CACNA1B: variants seen among roughly 807,000 people sequenced by gnomAD.
The protein encoded by CACNA1B is voltage-dependent N-type calcium channel subunit alpha-1B.
A neutral mutation model predicts 247.2 loss-of-function variants in CACNA1B; 70 were observed. The observed-to-expected ratio is 0.28, with a 90% CI of 0.23 to 0.35. The LOEUF is 0.35. CACNA1B is among the 10% of genes least tolerant of loss of function. The pLI is 1.00. For missense variants in CACNA1B, 2,367 were observed against 3,197.4 expected, an observed-to-expected ratio of 0.74 and a Z score of 6.26; for synonymous variants, 1,231 against 1,294.4, an observed-to-expected ratio of 0.95 and a Z score of 1.05.
intron 6 of CACNA1B, among the ~76,000 whole-genome samples, chr9:137,922,723 A>C (rs939612226): frequency 2.0e-5 from 3 of 152,222 alleles, no homozygotes; most frequent in Non-Finnish European, 1.5e-5. Flanking sequence ...TTGTAGATTC[A>C]CATGCAGTAG....
chr9:138,120,153 C>T lies in CACNA1B; in HGVS notation c.6031-12C>T. 6.3e-7 allele frequency: 1 copy of T among 1,589,246 alleles called. No homozygotes were observed. The highest frequency in any genetic ancestry group is 8.6e-7 in the Non-Finnish European group (1 of 1,168,658). Reference sequence around the variant, plus strand: ...GCCTCCCCTAGGCCCACTCTCAGTCCTTTGCCCACAGCCCGTCACAGATGC... The same window carrying T: ...GCCTCCCCTAGGCCCACTCTCAGTCTTTTGCCCACAGCCCGTCACAGATGC... On this transcript the variant is annotated splice_polypyrimidine_tract_variant and intron_variant, in intron 44 of 46. Coordinates refer to ENST00000371372, the MANE Select transcript of CACNA1B (RefSeq NM_000718.4).
At chr9:137,885,241 A>C (rs1256040238) in intron 3 of CACNA1B, among the ~76,000 whole-genome samples, 4 of 151,564 alleles carry the variant, frequency 2.6e-5, no homozygotes, top group African/African-American at 7.3e-5. Flanking sequence ...CCACGGGGCC[A>C]CATGCTGGCT....
At chr9:138,076,457 T>G (rs1459959259) in intron 35 of CACNA1B, among the ~76,000 whole-genome samples, 3 of 152,152 alleles carry the variant, frequency 2.0e-5, no homozygotes, top group Non-Finnish European at 1.5e-5. Flanking sequence ...CCATCTCTCA[T>G]GGGAGCTGCC....
chr9:138,013,720 G>C (rs556875939), intron 18 of CACNA1B, among the ~76,000 whole-genome samples: 552 of 152,346 alleles, frequency 3.6e-3, no homozygotes, highest in Non-Finnish European at 6.0e-3. Flanking sequence ...TTATTCTGGC[G>C]AAAACTGCGT....
Position 137,950,454 on chromosome 9 carries a change from C to A in CACNA1B, c.967-1820C>A, listed in dbSNP as rs944077274. Among the ~76,000 whole-genome samples the A allele has an allele frequency of 6.6e-6, 1 of 152,194 alleles. No individual in the cohort carries two copies. Among genetic ancestry groups the A allele is most frequent in the African/African-American group, 2.4e-5 (1 of 41,430 alleles). ...CTTGGGCTGGGGGGCCGTGATAACC[C>A]CTGCTGAGGAGGAACGTTCCACTTC... On this transcript the variant is annotated intron_variant, in intron 6 of 46. Transcript: ENST00000371372. This position sits in a 1 kb window ranked among gnomAD's most constrained non-coding sequence, Gnocchi z 4.8.
intron 15 of CACNA1B, among the ~76,000 whole-genome samples, chr9:137,997,594 G>A (rs1958515026): frequency 6.6e-6 from 1 of 152,174 alleles, no homozygotes; most frequent in African/African-American, 2.4e-5. Context: ...TGCAGTCAGG[G>A]AAATGCAAAT....
rs1052426507 is a variant in CACNA1B at position 137,934,561 on chromosome 9, C to T, written c.966+17130C>T. Among the ~76,000 whole-genome samples, 51 of 152,164 alleles carry T rather than the reference C, an allele frequency of 3.4e-4. 1 individual carries two copies. The highest frequency in any genetic ancestry group is 1.3e-4 in the Admixed American group (2 of 15,276). ...GAACCCATAGACCCTCTGAAGGAAG[C>T]GGATTGCTCCAGCAGGACCTGGGAG... On this transcript the variant is annotated intron_variant, in intron 6 of 46. Coordinates refer to ENST00000371372, the MANE Select transcript of CACNA1B (RefSeq NM_000718.4).
chr9:138,099,853 C>G (rs187238236), intron 37 of CACNA1B, among the ~76,000 whole-genome samples: 1 of 152,376 alleles, frequency 6.6e-6, no homozygotes, highest in Non-Finnish European at 1.5e-5. Context: ...AGCCTGGTGA[C>G]TTGAGAGGAG....
At chr9:137,911,616 A>G (rs571776591) in intron 3 of CACNA1B, among the ~76,000 whole-genome samples, 3 of 152,048 alleles carry the variant, frequency 2.0e-5, no homozygotes, top group Non-Finnish European at 4.4e-5. Flanking sequence ...ACGGGGTTTC[A>G]CCATGTTGGT....
intron 6 of CACNA1B, among the ~76,000 whole-genome samples, chr9:137,922,103 C>T (rs35103088): frequency 6.8e-6 from 1 of 147,598 alleles, no homozygotes. Context: ...ACATGATCAG[C>T]ACCGCGATCA....
In CACNA1B at chr9:137,879,172, C is replaced by T. The variant is rs1360677845; in HGVS notation, c.390+13C>T. 3 of 1,578,948 alleles carry T rather than the reference C, an allele frequency of 1.9e-6. No individual in the cohort carries two copies. The highest frequency in any genetic ancestry group is 1.3e-5 in the African/African-American group (1 of 74,362). On this transcript the variant is annotated intron_variant, in intron 2 of 46. Coordinates refer to ENST00000371372, the MANE Select transcript of CACNA1B (RefSeq NM_000718.4). Reference sequence around the variant, plus strand: ...GTCCGAGCGGCTGGTGAGTGCCCGGCTGGGCCTGAGGGCAGGGTGGTGGGG... The same window carrying T: ...GTCCGAGCGGCTGGTGAGTGCCCGGTTGGGCCTGAGGGCAGGGTGGTGGGG...
intron 15 of CACNA1B, among the ~76,000 whole-genome samples, chr9:137,991,418 G>C (rs993332790): frequency 6.6e-6 from 1 of 152,180 alleles, no homozygotes; most frequent in Admixed American, 6.5e-5. Flanking sequence ...AGAAGTATGG[G>C]ACTAAGTTAA....
intron 3 of CACNA1B, among the ~76,000 whole-genome samples, chr9:137,908,522 A>AAAAC (rs902135779): frequency 7.2e-5 from 11 of 152,182 alleles, no homozygotes; most frequent in African/African-American, 1.2e-4. Context: ...TCTCAAAAGA[A>AAAAC]AAACAAACAA....
At position 137,887,204 on chromosome 9, in the gene CACNA1B, C is replaced by T. The variant is rs1462411143; in HGVS notation, c.530+4321C>T. Among the ~76,000 whole-genome samples, 56 of 151,042 alleles carry T rather than the reference C, an allele frequency of 3.7e-4. 2 individuals carry two copies. The highest frequency in any genetic ancestry group is 1.3e-3 in the South Asian group (6 of 4,690). ...CGAGAGGACCCAAGGCTGTGCACTG[C>T]GCCCCGTGGGTCTGAGGCAGGAGCT... On this transcript the variant is annotated intron_variant, in intron 3 of 46. Transcript: ENST00000371372.
intron 24 of CACNA1B, among the ~76,000 whole-genome samples, chr9:138,049,613 G>A (rs555196864): frequency 1.3e-5 from 2 of 152,320 alleles, no homozygotes; most frequent in South Asian, 2.1e-4. Context: ...GCCCTGGTGC[G>A]GCCGGTGGCT....
Position 137,896,238 on chromosome 9 carries a change from CAA to C in CACNA1B, c.530+13376_530+13377del, listed in dbSNP as rs34505431. ...TGGGGGACAGAGCGAGACTCTGTCT[CAA>C]AAAAAAAAAAAAAAAAAAAAGTTAG... On this transcript the variant is annotated intron_variant, in intron 3 of 46. Coordinates refer to ENST00000371372, the MANE Select transcript of CACNA1B (RefSeq NM_000718.4). Among the ~76,000 whole-genome samples, 184 of 69,732 alleles carry C rather than the reference CAA, an allele frequency of 2.6e-3. 2 individuals are homozygous for C. Among genetic ancestry groups the C allele is most frequent in the Middle Eastern group, 7.9e-3 (1 of 126 alleles). 45.7% of individuals were successfully genotyped at this position (69,732 alleles called of 152,430 possible).
chr9:137,894,679 A>G (rs1448642868), intron 3 of CACNA1B, among the ~76,000 whole-genome samples: 2 of 152,128 alleles, frequency 1.3e-5, no homozygotes, highest in Non-Finnish European at 2.9e-5. Flanking sequence ...AAGTGCTGGG[A>G]TTACAGGCAT....
rs2131346964 is a variant in CACNA1B, at chr9:138,100,161, A to G, written c.5223-2550A>G. Among the ~76,000 whole-genome samples the G allele has an allele frequency of 6.6e-6, 1 of 152,280 alleles. No homozygotes were observed. Among genetic ancestry groups the G allele is most frequent in the South Asian group, 2.1e-4 (1 of 4,834 alleles). On this transcript the variant is annotated intron_variant, in intron 37 of 46. Transcript: ENST00000371372. The surrounding 1 kb of genome is among the most constrained non-coding windows in gnomAD (Gnocchi z 4.6). ...ATTGAGCACTAGAGAAATAGGATGG[A>G]TTGAGCTGGGGATGGGAGGTGGGGC...
Position 138,047,044 on chromosome 9 carries a change from C to G in CACNA1B, c.3543+11C>G. 2 of 1,600,144 alleles carry G rather than the reference C, an allele frequency of 1.2e-6. No individual in the cohort carries two copies. The highest frequency in any genetic ancestry group is 2.3e-5 in the East Asian group (1 of 44,346). On this transcript the variant is annotated intron_variant, in intron 22 of 46. Coordinates refer to ENST00000371372, the MANE Select transcript of CACNA1B (RefSeq NM_000718.4). ...TCGCCCAGGAACAACGTGAGTGGCC[C>G]GGATGGCCGGGTCCCCGCCAGGCTG...
Sources: gnomAD v4.1 joint callset for allele counts (sites outside exome capture counted in the v4.1 genomes callset) on GRCh38, gnomAD v4.1.1 for gene constraint, Gnocchi (gnomAD v3.1) non-coding constraint, MANE v1.5 for transcripts, NCBI Gene and HGNC (gene_info 2026-07-23, HGNC 2026-07-21) for gene names.